Variants in KHDC1 observed in about 807,000 individuals in gnomAD.
The protein encoded by KHDC1 is KH homology domain-containing protein 1.
Under a neutral mutation model 24.7 loss-of-function variants are expected in KHDC1, and 21 were observed. The observed-to-expected ratio is 0.85, with a 90% confidence interval of 0.60 to 1.23. The LOEUF is 1.23. Ranked by LOEUF, KHDC1 falls within the 50% of genes most tolerant of loss-of-function variation. The pLI, the probability that KHDC1 is intolerant of heterozygous loss-of-function variation, is 0.00. For synonymous variants in KHDC1, 98 were observed against 111.7 expected (o/e 0.88, Z 0.77); for missense variants, 274 against 298.5 (o/e 0.92, Z 0.61).
At chr6:73,264,683 G>A (rs1767050548) in intron 2 of KHDC1, among the ~76,000 whole-genome samples, 1 of 152,176 alleles carries the variant, frequency 6.6e-6, no homozygotes, top group Non-Finnish European at 1.5e-5. Flanking sequence ...TTAGTCATGT[G>A]GTATCATAGG....
intron 2 of KHDC1, among the ~76,000 whole-genome samples, chr6:73,267,737 C>T (rs905083002): frequency 1.3e-5 from 2 of 152,144 alleles, no homozygotes; most frequent in African/African-American, 2.4e-5. Flanking sequence ...TTTATAATAG[C>T]ATTATTCACA....
At position 73,275,475 on chromosome 6, in the gene KHDC1, G is replaced by A. The variant is rs560143658; in HGVS notation, c.206+16523C>T. The stretch of plus-strand genomic sequence containing the variant: ...GGGAAGTGTGTCCATCCCGGAAAGG[G>A]ACTCCTTTTGCATACTTGCCTCACT... On this transcript the variant is annotated intron_variant, in intron 2 of 4. Transcript: ENST00000370384. The A allele has an allele frequency of 2.4e-5, 4 of 167,272 alleles. No homozygotes were observed. In the Admixed American group the frequency reaches 2.6e-4, roughly 11 times the overall value. 10.4% of individuals were successfully genotyped at this position (167,272 alleles called of 1,614,324 possible).
At chr6:73,250,746 T>C (rs1448372182) in intron 2 of KHDC1, among the ~76,000 whole-genome samples, 1 of 152,268 alleles carries the variant, frequency 6.6e-6, no homozygotes, top group Non-Finnish European at 1.5e-5. Context: ...TAGGTAGCAA[T>C]GTTTTATCAC....
chr6:73,273,377 A>G (rs1767217229), intron 2 of KHDC1, among the ~76,000 whole-genome samples: 2 of 151,912 alleles, frequency 1.3e-5, no homozygotes, highest in South Asian at 4.2e-4. Flanking sequence ...CATGTTGGCC[A>G]GGCTGGTCTC....
rs562973693 is a variant in KHDC1, at chr6:73,259,376, A to G, written c.207-16846T>C. Among the ~76,000 whole-genome samples the G allele has an allele frequency of 3.6e-5, 5 of 139,548 alleles. 1 individual carries two copies. The highest frequency in any genetic ancestry group is 1.4e-4 in the African/African-American group (5 of 36,264). 91.5% of individuals were successfully genotyped at this position (139,548 alleles called of 152,430 possible). A position where few individuals can be genotyped will look rare whatever the true frequency, so the allele number is the denominator to read the frequency against. Reference sequence around the variant, plus strand: ...TTCATAGGTGCAGTTATAGTGCACTAGCCTGGAGTTCCTGGGCTCAAGCCA... The same window carrying G: ...TTCATAGGTGCAGTTATAGTGCACTGGCCTGGAGTTCCTGGGCTCAAGCCA... On this transcript the variant is annotated intron_variant, in intron 2 of 4. Transcript: ENST00000370384.
chr6:73,263,141 C>T (rs946156478), intron 2 of KHDC1: 1 of 991,118 alleles, frequency 1.0e-6, no homozygotes, highest in African/African-American at 1.7e-5. Flanking sequence ...CGCACCCGAC[C>T]CTTCCAGGGG....
At chr6:73,293,091 T>G in intron 1 of KHDC1, 1 of 968,316 alleles carries the variant, frequency 1.0e-6, no homozygotes, top group South Asian at 1.3e-5. Context: ...GATGCCAAGA[T>G]TGATTCTAAA....
intron 2 of KHDC1, among the ~76,000 whole-genome samples, chr6:73,280,958 C>G (rs1767392654): frequency 6.6e-6 from 1 of 152,040 alleles, no homozygotes; most frequent in Non-Finnish European, 1.5e-5. Flanking sequence ...CCTGTAATCC[C>G]AACACTTTGG....
chr6:73,265,515 C>T (rs969798825), intron 2 of KHDC1, among the ~76,000 whole-genome samples: 1 of 115,594 alleles, frequency 8.7e-6, no homozygotes, highest in African/African-American at 3.4e-5. Flanking sequence ...GGCAACTGAG[C>T]GAGACTCCGT....
chr6:73,303,578 G>A (rs1055791681), intron 1 of KHDC1, among the ~76,000 whole-genome samples: 2 of 152,142 alleles, frequency 1.3e-5, no homozygotes, highest in Non-Finnish European at 2.9e-5. Context: ...CCTGAAATAC[G>A]ATGCACTGAG....
chr6:73,309,212 C>A (rs185208621), intron 1 of KHDC1, among the ~76,000 whole-genome samples: 9 of 152,348 alleles, frequency 5.9e-5, no homozygotes, highest in African/African-American at 2.2e-4. Context: ...ATCTAAGTGA[C>A]GGGGCAGACC....
intron 2 of KHDC1, among the ~76,000 whole-genome samples, chr6:73,271,411 G>C (rs1970551): frequency 0.28 from 41,828 of 150,262 alleles, 6,423 homozygotes; most frequent in African/African-American, 0.42. Flanking sequence ...GTTTCACTAT[G>C]TTGGCCAGGC....
At chr6:73,253,389 T>TA (rs1342321915) in intron 2 of KHDC1, among the ~76,000 whole-genome samples, 5 of 150,886 alleles carry the variant, frequency 3.3e-5, no homozygotes, top group African/African-American at 1.2e-4. Flanking sequence ...CCGTCTCTAC[T>TA]AAAAACACAA....
intron 2 of KHDC1, among the ~76,000 whole-genome samples, chr6:73,264,980 G>C (rs1767054534): frequency 6.6e-6 from 1 of 152,180 alleles, no homozygotes; most frequent in Non-Finnish European, 1.5e-5. Context: ...ACTGATTGAG[G>C]AGTGCATGTA....
At chr6:73,282,028 G>A (rs1328720951) in intron 2 of KHDC1, among the ~76,000 whole-genome samples, 2 of 152,090 alleles carry the variant, frequency 1.3e-5, no homozygotes, top group East Asian at 3.9e-4. Flanking sequence ...GACCAGCCTG[G>A]CCAACATGGT....
intron 2 of KHDC1, among the ~76,000 whole-genome samples, chr6:73,257,837 G>A (rs1766908468): frequency 6.6e-6 from 1 of 152,132 alleles, no homozygotes; most frequent in African/African-American, 2.4e-5. Context: ...GCCAGGCATG[G>A]TAGCTCACAC....
chr6:73,296,286 C>T (rs138527933), intron 1 of KHDC1, among the ~76,000 whole-genome samples: 1 of 152,036 alleles, frequency 6.6e-6, no homozygotes, highest in East Asian at 1.9e-4. Context: ...AATACCCTGT[C>T]TCCTCTAAAA....
chr6:73,277,555 T>A (rs929700337), intron 2 of KHDC1, among the ~76,000 whole-genome samples: 2 of 152,166 alleles, frequency 1.3e-5, no homozygotes, highest in African/African-American at 4.8e-5. Flanking sequence ...TATAAAACTT[T>A]AAAATATCGC....
In KHDC1 at chr6:73,259,280, CTTTTTTT is replaced by C. The variant is rs59935884; in HGVS notation, c.207-16757_207-16751del. On this transcript the variant is annotated intron_variant, in intron 2 of 4. Coordinates refer to ENST00000370384, the Ensembl canonical transcript of KHDC1. The stretch of plus-strand genomic sequence containing the variant: ...GCTTTCTGCTGACAAATCCAATATG[CTTTTTTT>C]TTTTTTTTTTTTTTTTTTGAGACGG... 1.6e-4 allele frequency among the ~76,000 whole-genome samples: 12 copies of C among 73,258 alleles called. 1 individual carries two copies. The South Asian group carries it at 2.8e-3, about 17-fold the overall frequency. 48.1% of individuals were successfully genotyped at this position (73,258 alleles called of 152,430 possible).
Sources: gnomAD v4.1 joint callset for allele counts (sites outside exome capture counted in the v4.1 genomes callset) on GRCh38, gnomAD v4.1.1 for gene constraint, MANE v1.5 for transcripts, NCBI Gene and HGNC (gene_info 2026-07-23, HGNC 2026-07-21) for gene names.